Variants in SLIT1 observed in about 807,000 individuals in gnomAD.
SLIT1 encodes slit guidance ligand 1.
A neutral mutation model predicts 186.1 loss-of-function variants in SLIT1; 66 were observed. The ratio of observed to expected loss-of-function variants is 0.35; its 90% CI spans 0.29 to 0.44. SLIT1 has a LOEUF of 0.44. Among genes scored for constraint, SLIT1 ranks in the 20% least tolerant of loss-of-function variants. The pLI is 1.00. For missense variants in SLIT1, 1,638 were observed against 2,037.4 expected (o/e 0.80, Z 3.77); for synonymous variants, 761 against 833.8 (o/e 0.91, Z 1.50).
At chr10:97,105,233 C>T (rs573947780) in intron 4 of SLIT1, among the ~76,000 whole-genome samples, 81 of 152,288 alleles carry the variant, frequency 5.3e-4, no homozygotes, top group African/African-American at 1.8e-3. Flanking sequence ...CACTCAGTTC[C>T]ATTCACCACC....
At chr10:97,088,791 G>A (rs138040299) in intron 4 of SLIT1, among the ~76,000 whole-genome samples, 3 of 152,268 alleles carry the variant, frequency 2.0e-5, no homozygotes, top group East Asian at 1.9e-4. Context: ...TGACAGGATC[G>A]CAGGGGCCCA....
chr10:97,132,613 A>T (rs1457190679), intron 4 of SLIT1, among the ~76,000 whole-genome samples: 1 of 152,132 alleles, frequency 6.6e-6, no homozygotes, highest in African/African-American at 2.4e-5. Context: ...CTAAACTCTG[A>T]CAGAATCTAA....
intron 22 of SLIT1, among the ~76,000 whole-genome samples, chr10:97,035,374 C>T (rs1019189841): frequency 6.6e-6 from 1 of 152,130 alleles, no homozygotes; most frequent in Admixed American, 6.5e-5. Flanking sequence ...TCCTGATGCC[C>T]ACAGATACTC....
intron 4 of SLIT1, among the ~76,000 whole-genome samples, chr10:97,077,532 C>T (rs949615091): frequency 1.8e-4 from 27 of 152,190 alleles, no homozygotes; most frequent in African/African-American, 6.0e-4. Flanking sequence ...GGATTCAAAA[C>T]GAAGCTCAGC....
At chr10:97,185,412 C>T (rs1459398662) in intron 1 of SLIT1, 66 bp downstream of exon 1, 10 of 1,516,680 alleles carry the variant, frequency 6.6e-6, no homozygotes, top group Admixed American at 3.8e-5. Context: ...CCCCCAAGTC[C>T]GGAATTGCGT....
chr10:97,097,553 T>C (rs1169097818), intron 4 of SLIT1, among the ~76,000 whole-genome samples: 1 of 152,146 alleles, frequency 6.6e-6, no homozygotes, highest in Non-Finnish European at 1.5e-5. Flanking sequence ...ACAACCACAG[T>C]TTAGATTTCT....
intron 31 of SLIT1, among the ~76,000 whole-genome samples, chr10:97,009,886 C>G (rs900347052): frequency 1.3e-5 from 2 of 152,188 alleles, no homozygotes; most frequent in Non-Finnish European, 2.9e-5. Flanking sequence ...AAAAGATGCT[C>G]AACATTATTG....
intron 4 of SLIT1, among the ~76,000 whole-genome samples, chr10:97,142,309 C>T (rs541586611): frequency 6.6e-6 from 1 of 152,128 alleles, no homozygotes; most frequent in East Asian, 1.9e-4. Flanking sequence ...ATAGAATAGA[C>T]AGCCCAAAAA....
intron 1 of SLIT1, among the ~76,000 whole-genome samples, chr10:97,171,777 C>T (rs546857172): frequency 1.8e-4 from 28 of 151,888 alleles, no homozygotes; most frequent in African/African-American, 6.8e-4. Flanking sequence ...TGAGATCGTG[C>T]CAGTGCACTC....
intron 31 of SLIT1, among the ~76,000 whole-genome samples, chr10:97,008,894 T>A (rs1406562872): frequency 6.6e-6 from 1 of 151,720 alleles, no homozygotes; most frequent in East Asian, 1.9e-4. Flanking sequence ...TATTATTATT[T>A]TTTGAGATGG....
At chr10:97,142,572 T>G (rs1190306002) in intron 4 of SLIT1, among the ~76,000 whole-genome samples, 1 of 152,224 alleles carries the variant, frequency 6.6e-6, no homozygotes, top group Non-Finnish European at 1.5e-5. Context: ...AGTACTTTCT[T>G]GGATATGACA....
intron 4 of SLIT1, among the ~76,000 whole-genome samples, chr10:97,145,200 G>A (rs769424719): frequency 1.3e-5 from 2 of 151,948 alleles, no homozygotes; most frequent in African/African-American, 4.8e-5. Context: ...GGAGTGCAAT[G>A]GTGCGGTCCC....
At chr10:97,106,306 C>G (rs1369549925) in intron 4 of SLIT1, among the ~76,000 whole-genome samples, 1 of 152,186 alleles carries the variant, frequency 6.6e-6, no homozygotes, top group Non-Finnish European at 1.5e-5. Flanking sequence ...CTGCTGTAAA[C>G]ATCTTGGGAC....
chr10:97,162,023 A>G (rs1202229951), intron 3 of SLIT1, among the ~76,000 whole-genome samples: 1 of 152,224 alleles, frequency 6.6e-6, no homozygotes, highest in African/African-American at 2.4e-5. Context: ...TATAATCATA[A>G]TAATAAACTT....
At position 97,002,384 on chromosome 10, in the gene SLIT1, G is replaced by C. The variant is rs1411303743; in HGVS notation, c.4155-15C>G. On this transcript the variant is annotated splice_polypyrimidine_tract_variant and intron_variant, in intron 35 of 36. Transcript: ENST00000266058. ...CATGGACACACCTGGAGGAGACAGA[G>C]AAAAGGCGCTGTGAGGACAAACCCA... 1 of 1,574,142 alleles carries C rather than the reference G, an allele frequency of 6.4e-7. No homozygotes were observed. Among genetic ancestry groups the C allele is most frequent in the Non-Finnish European group, 8.6e-7 (1 of 1,160,004 alleles).
At chr10:97,088,036 A>G (rs1849185463) in intron 4 of SLIT1, among the ~76,000 whole-genome samples, 1 of 151,998 alleles carries the variant, frequency 6.6e-6, no homozygotes, top group African/African-American at 2.4e-5. Flanking sequence ...ACAGCACTGG[A>G]TAAGAGAGTG....
rs1371801630 is a variant in SLIT1, at chr10:97,060,528, T to A, written c.941+112A>T. On this transcript the variant is annotated intron_variant, in intron 9 of 36. Coordinates refer to ENST00000266058, the MANE Select transcript of SLIT1 (RefSeq NM_003061.3). Reference sequence around the variant, plus strand: ...CAAACTGTGTCTTCTCTACGGCCACTGAGGGGTTGGGGCAAGCCCTGAGGC... The same window carrying A: ...CAAACTGTGTCTTCTCTACGGCCACAGAGGGGTTGGGGCAAGCCCTGAGGC... 10 of 1,332,454 alleles carry A rather than the reference T, an allele frequency of 7.5e-6. No individual in the cohort carries two copies. In the African/African-American group the frequency reaches 8.7e-5, roughly 12 times the overall value. 82.5% of individuals were successfully genotyped at this position (1,332,454 alleles called of 1,614,324 possible).
intron 8 of SLIT1, 100 bp downstream of exon 8, chr10:97,063,355 G>A (rs1175332632): frequency 3.7e-6 from 5 of 1,344,754 alleles, no homozygotes; most frequent in Admixed American, 3.4e-5. Context: ...GTCAGGAGGT[G>A]ATGGGCAGGC....
At chr10:97,019,384 C>T (rs1010397571) in intron 26 of SLIT1, among the ~76,000 whole-genome samples, 1 of 152,178 alleles carries the variant, frequency 6.6e-6, no homozygotes, top group Non-Finnish European at 1.5e-5. Context: ...GGCGGGCGGG[C>T]ACTGTGCACA....
Sources: allele counts gnomAD v4.1 joint callset (sites outside exome capture counted in the v4.1 genomes callset), GRCh38; gene constraint gnomAD v4.1.1; transcripts MANE v1.5; gene names NCBI Gene and HGNC (gene_info 2026-07-23, HGNC 2026-07-21).